PHLDB1: variants seen among roughly 807,000 people sequenced by gnomAD.
The protein encoded by PHLDB1 is pleckstrin homology-like domain family B member 1.
PHLDB1 carries 65 observed loss-of-function variants against 139.3 expected under a neutral mutation model. The ratio of observed to expected loss-of-function variants is 0.47; its 90% CI spans 0.38 to 0.57. The LOEUF (loss-of-function observed/expected upper bound fraction) is 0.57, where lower values mean the gene tolerates loss of function less well. Among genes scored for constraint, PHLDB1 ranks in the 20% least tolerant of loss-of-function variants. PHLDB1 has a pLI of 0.00. For synonymous variants in PHLDB1, 679 were observed against 734.5 expected, an observed-to-expected ratio of 0.92 and a Z score of 1.22; for missense variants, 1,624 against 1,839.7, an observed-to-expected ratio of 0.88 and a Z score of 2.14.
chr11:118,638,867 G>A (rs1946064232), intron 10 of PHLDB1, 24 bp from the exon 11 acceptor site: 2 of 1,575,998 alleles, frequency 1.3e-6, no homozygotes, highest in Admixed American at 3.6e-5. Context: ...CCCAGGGCCT[G>A]ATCAACCACC....
intron 4 of PHLDB1, among the ~76,000 whole-genome samples, chr11:118,622,579 C>T (rs1194774481): frequency 1.3e-5 from 2 of 152,238 alleles, no homozygotes; most frequent in East Asian, 3.9e-4. Flanking sequence ...TGCCTACATC[C>T]TACTTGGGTG....
chr11:118,655,734 T>TG (rs782341806), intron 21 of PHLDB1, 44 bp downstream of exon 21: 63 of 1,541,102 alleles, frequency 4.1e-5, no homozygotes, highest in Non-Finnish European at 5.4e-5. Context: ...GGGACAGCCA[T>TG]GGGGAAGGGG....
At chr11:118,635,112 A>C in intron 9 of PHLDB1, 13 of 530,740 alleles carry the variant, frequency 2.4e-5, no homozygotes, top group Non-Finnish European at 2.8e-5. Context: ...GGAAGAGAGG[A>C]GAGCGGTGGG....
At chr11:118,609,275 A>G (rs1939693440) in intron 1 of PHLDB1, among the ~76,000 whole-genome samples, 1 of 108,558 alleles carries the variant, frequency 9.2e-6, no homozygotes, top group Non-Finnish European at 1.8e-5. Flanking sequence ...TACACAGCCC[A>G]GCTCACACAC....
In PHLDB1 at chr11:118,627,787, C is replaced by A; in HGVS notation, c.964C>A (p.Pro322Thr). The A allele has an allele frequency of 6.2e-7, 1 of 1,605,254 alleles. No homozygotes were observed. Among genetic ancestry groups the A allele is most frequent in the Non-Finnish European group, 8.5e-7 (1 of 1,179,598 alleles). The change falls in exon 6 of 23, where the codon CCT becomes ACT. Residue 322 changes from proline to threonine, a missense_variant. Physicochemically the swap from Pro to Thr is conservative, Grantham distance 38 (BLOSUM62 -1). Transcript: ENST00000600882. ...GAGCAGGAAAGGGGGCCATGAGAGGCCTCCCAGCCCTGGCCTCCGGGGTCT... is the reference window on the plus strand; with the variant it reads ...GAGCAGGAAAGGGGGCCATGAGAGGACTCCCAGCCCTGGCCTCCGGGGTCT... ...RLSRKGGHER[P>T]PSPGLRGLLT...
intron 12 of PHLDB1, chr11:118,640,108 G>A (rs1946275029): frequency 1.8e-6 from 1 of 551,192 alleles, no homozygotes; most frequent in Non-Finnish European, 2.3e-6. Flanking sequence ...AGGGCATGTG[G>A]TGATAGTTTC....
At chr11:118,609,645 TG>T (rs1228416066) in intron 1 of PHLDB1, among the ~76,000 whole-genome samples, 5 of 152,310 alleles carry the variant, frequency 3.3e-5, no homozygotes, top group African/African-American at 9.6e-5. Context: ...GCGGTGTCTG[TG>T]GGGGCCGCCC....
In PHLDB1 at chr11:118,611,818, C is replaced by CA. The variant is rs782515711; in HGVS notation, c.-21-1982dup. Among the ~76,000 whole-genome samples the CA allele has an allele frequency of 1.1e-3, 123 of 109,020 alleles. No individual in the cohort carries two copies. The highest frequency in any genetic ancestry group is 6.1e-3 in the South Asian group (24 of 3,918). 71.5% of individuals were successfully genotyped at this position (109,020 alleles called of 152,430 possible). A position where few individuals can be genotyped will look rare whatever the true frequency, so the allele number is the denominator to read the frequency against. On this transcript the variant is annotated intron_variant, in intron 1 of 22. Transcript: ENST00000600882. This position sits in a 1 kb window ranked among gnomAD's most constrained non-coding sequence, Gnocchi z 4.7. ...GGGCAACAAGAGTGAAACTCCGTCTCAAAAAAAAAAAAAAAATAATAATAA... is the reference window on the plus strand; with the variant it reads ...GGGCAACAAGAGTGAAACTCCGTCTCAAAAAAAAAAAAAAAAATAATAATAA...
chr11:118,639,900 G>T (rs1356013351), intron 12 of PHLDB1: 2 of 986,622 alleles, frequency 2.0e-6, no homozygotes. Context: ...GATGGGGCTG[G>T]GGACTAAGGC....
At chr11:118,643,992 A>G (rs1555124235) in intron 14 of PHLDB1, 52 bp downstream of exon 14, 25 of 1,596,484 alleles carry the variant, frequency 1.6e-5, no homozygotes, top group Non-Finnish European at 1.9e-5. Context: ...GGAGACTTCC[A>G]CCCTGGGGAG....
rs371495353 is a variant in PHLDB1, at chr11:118,630,007, A to T, written c.1828-1200A>T. On this transcript the variant is annotated intron_variant, in intron 6 of 22. Transcript: ENST00000600882. ...GGTGGAGGCACTGGCCCAGCCTCCC[A>T]GGTGCCGAGGCTCTGTTCCGGTTTT... is the stretch of plus-strand genomic sequence containing the variant. 27 of 1,279,676 alleles carry T rather than the reference A, an allele frequency of 2.1e-5. No homozygotes were observed. The East Asian group carries it at 4.5e-4, about 21-fold the overall frequency. The allele number at this position is 1,279,676 out of a possible 1,614,324, so 79.3% of individuals were successfully genotyped here.
intron 9 of PHLDB1, 165 bp from the exon 10 acceptor site, chr11:118,635,228 C>T: frequency 1.2e-6 from 1 of 823,708 alleles, no homozygotes; most frequent in Non-Finnish European, 2.0e-6. Flanking sequence ...CCATGATGCC[C>T]GCAAAAGGGC....
At chr11:118,622,122 G>GCC (rs1942943344) in intron 4 of PHLDB1, among the ~76,000 whole-genome samples, 38 of 152,140 alleles carry the variant, frequency 2.5e-4, no homozygotes, top group Admixed American at 2.5e-3. Context: ...CTCCAGATGT[G>GCC]CAGCTCCTCC....
rs139521078 is a variant in PHLDB1, at chr11:118,650,371, G to A, written c.3772-74G>A. The A allele has an allele frequency of 2.1e-3, 2,282 of 1,098,540 alleles. 39 individuals carry two copies. In the East Asian group the frequency reaches 0.036, roughly 17 times the overall value. The allele number at this position is 1,098,540 out of a possible 1,614,324, so 68.0% of individuals were successfully genotyped here. On this transcript the variant is annotated intron_variant, in intron 19 of 22. Transcript: ENST00000600882. This position sits in a 1 kb window ranked among gnomAD's most constrained non-coding sequence, Gnocchi z 4.7. The stretch of plus-strand genomic sequence containing the variant: ...TGGGGACAATCCCCCATGAATACAG[G>A]CACAGGCGATGGCACACACTTAAGG...
At position 118,611,829 on chromosome 11, in the gene PHLDB1, A is replaced by ATAAT. The variant is rs1555084253; in HGVS notation, c.-21-1987_-21-1986insTAAT. Among the ~76,000 whole-genome samples, 90 of 148,204 alleles carry ATAAT rather than the reference A, an allele frequency of 6.1e-4. No individual in the cohort carries two copies. The highest frequency in any genetic ancestry group is 2.1e-3 in the African/African-American group (85 of 40,198). ...GTGAAACTCCGTCTCAAAAAAAAAAAAAAAATAATAATAATAATAATAAAT... is the reference window on the plus strand; with the variant it reads ...GTGAAACTCCGTCTCAAAAAAAAAAATAATAAAAATAATAATAATAATAATAAAT... On this transcript the variant is annotated intron_variant, in intron 1 of 22. Coordinates refer to ENST00000600882, the MANE Select transcript of PHLDB1 (RefSeq NM_001144758.3). The surrounding 1 kb of genome is among the most constrained non-coding windows in gnomAD (Gnocchi z 4.7).
intron 13 of PHLDB1, among the ~76,000 whole-genome samples, chr11:118,643,133 A>C (rs1268258495): frequency 6.6e-6 from 1 of 152,232 alleles, no homozygotes; most frequent in African/African-American, 2.4e-5. Context: ...TAAGACTTCT[A>C]CTGTGTACCC....
At chr11:118,614,480 G>A in intron 2 of PHLDB1, 79 bp from the exon 3 acceptor site, 2 of 1,525,642 alleles carry the variant, frequency 1.3e-6, no homozygotes, top group Non-Finnish European at 9.0e-7. Flanking sequence ...GAGGGCTGGA[G>A]AGAGTGCTGG....
Position 118,639,038 on chromosome 11 carries a change from A to T in PHLDB1, c.2646+37A>T, listed in dbSNP as rs782466654. On this transcript the variant is annotated intron_variant, in intron 11 of 22. Coordinates refer to ENST00000600882, the MANE Select transcript of PHLDB1 (RefSeq NM_001144758.3). ...GAGGTTGGGCCGGGAGATTTGGAGT[A>T]GGGTAAGTGGGAGGGGAGTGCAGAA... 4.4e-6 allele frequency: 7 copies of T among 1,583,722 alleles called. No individual in the cohort carries two copies. In the East Asian group the frequency reaches 1.6e-4, roughly 35 times the overall value.
rs782429790 is a variant in PHLDB1 at position 118,641,632 on chromosome 11, C to T, written c.2737-622C>T. 8 of 1,286,600 alleles carry T rather than the reference C, an allele frequency of 6.2e-6. No individual in the cohort carries two copies. The South Asian group carries it at 9.9e-5, about 16-fold the overall frequency. The allele number at this position is 1,286,600 out of a possible 1,614,324, so 79.7% of individuals were successfully genotyped here. A position where few individuals can be genotyped will look rare whatever the true frequency, so the allele number is the denominator to read the frequency against. ...CTCCAAGTACGTGATGCTTGAGCAG[C>T]TAAAGGTGATGCGGGGCACCTCGCC... On this transcript the variant is annotated intron_variant, in intron 12 of 22. Transcript: ENST00000600882.
Sources: allele counts gnomAD v4.1 joint callset (sites outside exome capture counted in the v4.1 genomes callset), GRCh38; gene constraint gnomAD v4.1.1; non-coding constraint Gnocchi (gnomAD v3.1); transcripts MANE v1.5; gene names NCBI Gene and HGNC (gene_info 2026-07-23, HGNC 2026-07-21).